L2HGDH: variants seen among roughly 807,000 people sequenced by gnomAD.
The protein encoded by L2HGDH is L-2-hydroxyglutarate dehydrogenase, mitochondrial.
A neutral mutation model predicts 51.5 loss-of-function variants in L2HGDH; 34 were observed. The ratio of observed to expected loss-of-function variants is 0.66; its 90% CI spans 0.50 to 0.88. The LOEUF is 0.88. Among genes scored for constraint, L2HGDH ranks in the 40% least tolerant of loss-of-function variants. The probability of loss-of-function intolerance (pLI) is 0.00; values close to 1 mark genes in which losing one functional copy is unlikely to be tolerated. For synonymous variants in L2HGDH, 198 were observed against 197.9 expected (o/e 1.00, Z -0.01); for missense variants, 558 against 571.9 (o/e 0.98, Z 0.25).
At chr14:50,286,364 AT>A (rs1443709611) in intron 4 of L2HGDH, among the ~76,000 whole-genome samples, 1 of 152,160 alleles carries the variant, frequency 6.6e-6, no homozygotes, top group African/African-American at 2.4e-5. Context: ...TTAAAAAAAA[AT>A]AAAAAGAGTT....
chr14:50,302,367 C>T (rs2030462317), intron 2 of L2HGDH, among the ~76,000 whole-genome samples, 199 bp from the exon 3 acceptor site: 2 of 152,202 alleles, frequency 1.3e-5, no homozygotes, highest in African/African-American at 4.8e-5. Flanking sequence ...CTGATTTCAA[C>T]TACAACTTTG....
intron 7 of L2HGDH, among the ~76,000 whole-genome samples, chr14:50,268,314 G>T (rs1328487827): frequency 6.6e-6 from 1 of 151,392 alleles, no homozygotes; most frequent in Non-Finnish European, 1.5e-5. Context: ...AGGAGATGGA[G>T]GTTGCAATAA....
At chr14:50,311,904 G>A in intron 1 of L2HGDH, 107 bp downstream of exon 1, 1 of 1,459,628 alleles carries the variant, frequency 6.9e-7, no homozygotes, top group Non-Finnish European at 9.2e-7. Flanking sequence ...ACCCCAACCT[G>A]CTCTCACCCC....
intron 9 of L2HGDH, among the ~76,000 whole-genome samples, chr14:50,254,899 G>A (rs949202415): frequency 2.4e-4 from 37 of 151,704 alleles, no homozygotes; most frequent in East Asian, 1.9e-3. Context: ...TCAATCAGGC[G>A]TGGTGTTGAG....
rs1247177429 is a variant in L2HGDH at position 50,267,847 on chromosome 14, A to G, written c.970T>C (p.Trp324Arg). 1 of 1,613,998 alleles carries G rather than the reference A, an allele frequency of 6.2e-7. No individual in the cohort carries two copies. Among genetic ancestry groups the G allele is most frequent in the African/African-American group, 1.3e-5 (1 of 75,074 alleles). The change falls in exon 8 of 10, where the codon TGG becomes CGG. Residue 324 changes from tryptophan to arginine, a missense_variant. Around this residue, in one of 3 missense-constraint regions of L2HGDH, gnomAD observed 321 missense variants for 311.8 expected, o/e 1.03. Coordinates refer to ENST00000267436, the MANE Select transcript of L2HGDH (RefSeq NM_024884.3). Reference protein sequence around the residue: ...HFTPRMDGSIWLGPNAVLAFK... With the variant: ...HFTPRMDGSIRLGPNAVLAFK... The stretch of plus-strand genomic sequence containing the variant: ...GCAAGAACTGCATTAGGCCCTAGCC[A>G]AATACTGCCATCCATCCTTGGTGTG...
intron 1 of L2HGDH, among the ~76,000 whole-genome samples, chr14:50,305,189 C>A (rs1329854069): frequency 6.6e-6 from 1 of 152,178 alleles, no homozygotes; most frequent in Non-Finnish European, 1.5e-5. Context: ...TCTGTCAGAG[C>A]ATAAGCCTTA....
intron 4 of L2HGDH, among the ~76,000 whole-genome samples, chr14:50,286,846 A>G (rs1006456914): frequency 6.6e-6 from 1 of 152,212 alleles, no homozygotes; most frequent in South Asian, 2.1e-4. Context: ...TTCCCTTAAC[A>G]TTGGTATAAG....
chr14:50,296,131 G>C (rs1314429947), intron 3 of L2HGDH, among the ~76,000 whole-genome samples: 3 of 151,932 alleles, frequency 2.0e-5, no homozygotes, highest in Non-Finnish European at 2.9e-5. Flanking sequence ...TAGCACTCTG[G>C]GAAGCTGAGG....
chr14:50,301,654 T>C (rs1385376570), intron 3 of L2HGDH, among the ~76,000 whole-genome samples: 1 of 152,172 alleles, frequency 6.6e-6, no homozygotes, highest in African/African-American at 2.4e-5. Flanking sequence ...TAGTGGTTGC[T>C]AGGGCATCGG....
chr14:50,273,725 C>T (rs1213803498), intron 6 of L2HGDH, among the ~76,000 whole-genome samples: 1 of 151,922 alleles, frequency 6.6e-6, no homozygotes, highest in Non-Finnish European at 1.5e-5. Context: ...AGGTTAATAT[C>T]CAAAAAATGT....
intron 9 of L2HGDH, among the ~76,000 whole-genome samples, chr14:50,249,493 T>G (rs932615646): frequency 6.6e-6 from 1 of 151,832 alleles, no homozygotes; most frequent in South Asian, 2.1e-4. Context: ...CTGGGCAGAG[T>G]TGTGAGGCCC....
chr14:50,268,001 T>C, intron 7 of L2HGDH, 91 bp from the exon 8 acceptor site: 1 of 1,182,758 alleles, frequency 8.5e-7, no homozygotes, highest in Non-Finnish European at 1.3e-6. Context: ...AAACACTTTC[T>C]TCTCATGCAT....
At chr14:50,276,213 T>A (rs1458821481) in intron 6 of L2HGDH, among the ~76,000 whole-genome samples, 1 of 152,186 alleles carries the variant, frequency 6.6e-6, no homozygotes, top group Non-Finnish European at 1.5e-5. Context: ...GGCACAGACT[T>A]CAGGAATGAA....
At position 50,259,985 on chromosome 14, in the gene L2HGDH, C is replaced by CAGAGAG. The variant is rs34001223; in HGVS notation, c.1196+5367_1196+5372dup. Among the ~76,000 whole-genome samples the CAGAGAG allele has an allele frequency of 1.5e-4, 21 of 142,476 alleles. 1 individual carries two copies. Among genetic ancestry groups the CAGAGAG allele is most frequent in the South Asian group, 4.5e-4 (2 of 4,436 alleles). The allele number at this position is 142,476 out of a possible 152,430, so 93.5% of individuals were successfully genotyped here. A position where few individuals can be genotyped will look rare whatever the true frequency, so the allele number is the denominator to read the frequency against. On this transcript the variant is annotated intron_variant, in intron 9 of 9. Coordinates refer to ENST00000267436, the MANE Select transcript of L2HGDH (RefSeq NM_024884.3). ...GGAGAAAGAAGGAGAGAGAAGAAGA[C>CAGAGAG]AGAGAGAGAGAGAGAGAGAGAGAGA... is the stretch of plus-strand genomic sequence containing the variant.
intron 6 of L2HGDH, among the ~76,000 whole-genome samples, chr14:50,269,698 T>C (rs1393232188): frequency 1.3e-5 from 2 of 152,126 alleles, no homozygotes; most frequent in African/African-American, 4.8e-5. Flanking sequence ...AGGAAGCAAA[T>C]GTCATTTAGA....
intron 3 of L2HGDH, among the ~76,000 whole-genome samples, chr14:50,298,538 C>T: frequency 6.6e-6 from 1 of 152,068 alleles, no homozygotes; most frequent in South Asian, 2.1e-4. Flanking sequence ...TGGTCTCGAA[C>T]TCCTGACCTC....
In L2HGDH at chr14:50,244,510, G is replaced by T; in HGVS notation, c.*2548C>A. The stretch of plus-strand genomic sequence containing the variant: ...TTCCATCTCTTAGTAATCTTGTAAT[G>T]GAACAGAAAAATATCCTGTGTTTGC... On this transcript the variant is annotated 3_prime_UTR_variant, in exon 10 of 10. Coordinates refer to ENST00000267436, the MANE Select transcript of L2HGDH (RefSeq NM_024884.3). 1.0e-6 allele frequency: 1 copy of T among 985,374 alleles called. No homozygotes were observed. Among genetic ancestry groups the T allele is most frequent in the Non-Finnish European group, 1.2e-6 (1 of 829,906 alleles). 61.0% of individuals were successfully genotyped at this position (985,374 alleles called of 1,614,324 possible). A position where few individuals can be genotyped will look rare whatever the true frequency, so the allele number is the denominator to read the frequency against.
chr14:50,289,118 T>C (rs962466906), intron 4 of L2HGDH, among the ~76,000 whole-genome samples: 3 of 152,154 alleles, frequency 2.0e-5, no homozygotes, highest in African/African-American at 7.2e-5. Flanking sequence ...TATAACAGCC[T>C]CCTAATTTCT....
At chr14:50,276,207 C>T (rs780066096) in intron 6 of L2HGDH, among the ~76,000 whole-genome samples, 11 of 152,192 alleles carry the variant, frequency 7.2e-5, no homozygotes, top group Non-Finnish European at 1.0e-4. Context: ...GCTAACGGCA[C>T]AGACTTCAGG....
Sources: allele counts gnomAD v4.1 joint callset (sites outside exome capture counted in the v4.1 genomes callset), GRCh38; gene constraint gnomAD v4.1.1; regional missense constraint gnomAD v4.1.1; transcripts MANE v1.5; gene names NCBI Gene and HGNC (gene_info 2026-07-23, HGNC 2026-07-21).